PARD3: variants seen among roughly 807,000 people sequenced by gnomAD.
PARD3 encodes the protein par-3 family cell polarity regulator.
Under a neutral mutation model 155.4 loss-of-function variants are expected in PARD3, and 75 were observed. The ratio of observed to expected loss-of-function variants is 0.48; its 90% confidence interval spans 0.40 to 0.58. The LOEUF (loss-of-function observed/expected upper bound fraction) is 0.58. PARD3 is among the 20% of genes least tolerant of loss of function. The pLI, the probability that PARD3 is intolerant of heterozygous loss-of-function variation, is 0.00. For missense variants in PARD3, 1,642 were observed against 1,721.7 expected (o/e 0.95, Z 0.82); for synonymous variants, 576 against 610.5 (o/e 0.94, Z 0.83).
At chr10:34,278,671 T>C (rs750160730) in intron 21 of PARD3, among the ~76,000 whole-genome samples, 3 of 152,190 alleles carry the variant, frequency 2.0e-5, no homozygotes, top group Non-Finnish European at 4.4e-5. Context: ...ACGTGTTTGC[T>C]TCCCATTCTG....
intron 1 of PARD3, among the ~76,000 whole-genome samples, chr10:34,761,373 T>C (rs1366932726): frequency 6.6e-6 from 1 of 152,188 alleles, no homozygotes; most frequent in African/African-American, 2.4e-5. Context: ...ATCACACCAC[T>C]GCACTCCAGC....
rs869284165 is a variant in PARD3 at position 34,355,924 on chromosome 10, C to CAA, written c.2067+3221_2067+3222dup. On this transcript the variant is annotated intron_variant, in intron 14 of 24. Transcript: ENST00000374788. ...TAGGCAACAGAGTGACACTCCGTCTCAAAAAAAAAAAAAAAAAAAAAACAA... is the reference window on the plus strand; with the variant it reads ...TAGGCAACAGAGTGACACTCCGTCTCAAAAAAAAAAAAAAAAAAAAAAAACAA... Among the ~76,000 whole-genome samples the CAA allele has an allele frequency of 2.9e-3, 124 of 42,318 alleles. 3 individuals are homozygous for CAA. The highest frequency in any genetic ancestry group is 0.013 in the East Asian group (14 of 1,116). 27.8% of individuals were successfully genotyped at this position (42,318 alleles called of 152,430 possible). A position where few individuals can be genotyped will look rare whatever the true frequency, so the allele number is the denominator to read the frequency against.
intron 20 of PARD3, among the ~76,000 whole-genome samples, chr10:34,305,901 AC>A (rs1957383901): frequency 6.6e-6 from 1 of 152,092 alleles, no homozygotes; most frequent in South Asian, 2.1e-4. Flanking sequence ...CAGGAGAATC[AC>A]CCAGGAGTTC....
At chr10:34,716,177 T>C (rs2094516770) in intron 1 of PARD3, among the ~76,000 whole-genome samples, 1 of 152,226 alleles carries the variant, frequency 6.6e-6, no homozygotes, top group East Asian at 1.9e-4. Context: ...TATTCCCTTA[T>C]GAGACATTTG....
chr10:34,688,144 C>G (rs887886397), intron 2 of PARD3, among the ~76,000 whole-genome samples: 1 of 152,224 alleles, frequency 6.6e-6, no homozygotes, highest in South Asian at 2.1e-4. Flanking sequence ...TGAGCCATGG[C>G]GCCTGGCTCT....
chr10:34,606,709 C>T (rs1434406165), intron 2 of PARD3, among the ~76,000 whole-genome samples: 2 of 151,104 alleles, frequency 1.3e-5, no homozygotes, highest in East Asian at 1.9e-4. Flanking sequence ...GTGGCTCACG[C>T]CTGTAATCCC....
chr10:34,697,500 T>C (rs1213220602), intron 1 of PARD3, among the ~76,000 whole-genome samples: 1 of 152,122 alleles, frequency 6.6e-6, no homozygotes, highest in African/African-American at 2.4e-5. Flanking sequence ...AGAATCCATA[T>C]TATTAAGAAG....
At chr10:34,277,229 G>A (rs1472222715) in intron 21 of PARD3, among the ~76,000 whole-genome samples, 1 of 152,152 alleles carries the variant, frequency 6.6e-6, no homozygotes, top group African/African-American at 2.4e-5. Context: ...CAACTGGAAA[G>A]AACCGTCTGT....
intron 21 of PARD3, among the ~76,000 whole-genome samples, chr10:34,272,616 G>C (rs1955673796): frequency 6.6e-6 from 1 of 152,030 alleles, no homozygotes; most frequent in Admixed American, 6.6e-5. Flanking sequence ...TGTAATCCCA[G>C]CCACCCAGCT....
At chr10:34,205,028 T>A (rs1446186839) in intron 22 of PARD3, among the ~76,000 whole-genome samples, 2 of 152,172 alleles carry the variant, frequency 1.3e-5, no homozygotes, top group East Asian at 3.8e-4. Flanking sequence ...TAGGGAGTAA[T>A]TTGAGTCTGG....
intron 20 of PARD3, among the ~76,000 whole-genome samples, chr10:34,284,600 T>C (rs896224527): frequency 1.3e-5 from 2 of 152,172 alleles, no homozygotes; most frequent in African/African-American, 2.4e-5. Context: ...AAGATCTGCA[T>C]TGGAGTGGGT....
intron 1 of PARD3, among the ~76,000 whole-genome samples, chr10:34,731,655 TC>T (rs749244964): frequency 6.6e-6 from 1 of 152,196 alleles, no homozygotes; most frequent in Non-Finnish European, 1.5e-5. Context: ...AGTTCAAAAA[TC>T]AAGAAGTAAT....
intron 2 of PARD3, among the ~76,000 whole-genome samples, chr10:34,644,463 C>T (rs948390119): frequency 3.3e-5 from 5 of 152,230 alleles, no homozygotes; most frequent in African/African-American, 4.8e-5. Flanking sequence ...TGGCTGGTGC[C>T]GGCTGACATG....
intron 2 of PARD3, among the ~76,000 whole-genome samples, chr10:34,632,544 C>G (rs1002670099): frequency 6.6e-6 from 1 of 152,138 alleles, no homozygotes; most frequent in African/African-American, 2.4e-5. Flanking sequence ...ATGAACAGTT[C>G]GATGTAGGTA....
chr10:34,521,600 T>C (rs187221960), intron 2 of PARD3, among the ~76,000 whole-genome samples: 1 of 152,240 alleles, frequency 6.6e-6, no homozygotes, highest in East Asian at 1.9e-4. Flanking sequence ...ATCTATCAAG[T>C]CTCCATGAGA....
At chr10:34,242,699 G>A (rs2133670325) in intron 22 of PARD3, among the ~76,000 whole-genome samples, 2 of 152,256 alleles carry the variant, frequency 1.3e-5, no homozygotes, top group East Asian at 1.9e-4. Context: ...TTTGAAAGGT[G>A]GAGGCAGGCA....
At chr10:34,352,291 T>G (rs976822943) in intron 14 of PARD3, among the ~76,000 whole-genome samples, 2 of 152,174 alleles carry the variant, frequency 1.3e-5, no homozygotes, top group African/African-American at 2.4e-5. Context: ...TTAAAAATCT[T>G]CAACAGAGTG....
At chr10:34,600,380 A>G (rs1478228650) in intron 2 of PARD3, among the ~76,000 whole-genome samples, 1 of 152,068 alleles carries the variant, frequency 6.6e-6, no homozygotes, top group African/African-American at 2.4e-5. Flanking sequence ...ATTAAAATAA[A>G]AGGTATAAAG....
chr10:34,518,961 A>G (rs890976787), intron 2 of PARD3, among the ~76,000 whole-genome samples: 1 of 152,224 alleles, frequency 6.6e-6, no homozygotes, highest in Admixed American at 6.5e-5. Context: ...ATCAAGTACC[A>G]TCTGATAAAA....
Sources: allele counts gnomAD v4.1 joint callset (sites outside exome capture counted in the v4.1 genomes callset), GRCh38; gene constraint gnomAD v4.1.1; transcripts MANE v1.5; gene names NCBI Gene and HGNC (gene_info 2026-07-23, HGNC 2026-07-21).